Variants in HERC3 observed in about 807,000 individuals in gnomAD.
HERC3 encodes the protein HECT and RLD domain containing E3 ubiquitin protein ligase 3.
A neutral mutation model predicts 129.9 loss-of-function variants in HERC3; 58 were observed. That is an observed-to-expected ratio of 0.45 (90% CI 0.36 to 0.56). HERC3 has a LOEUF of 0.56. Among genes scored for constraint, HERC3 ranks in the 20% least tolerant of loss-of-function variants. The pLI is 0.00. For missense variants in HERC3, 835 were observed against 1,244.2 expected, an observed-to-expected ratio of 0.67 and a Z score of 4.95; for synonymous variants, 430 against 451.0, an observed-to-expected ratio of 0.95 and a Z score of 0.59.
the HERC3 span, among the ~76,000 whole-genome samples, chr4:88,574,933 A>C: frequency 3.9e-5 from 6 of 152,270 alleles, no homozygotes; most frequent in East Asian, 1.2e-3. Context: ...AATACCCAGG[A>C]GTAGAATGGC....
At chr4:88,655,830 A>G (rs1383848938) in intron 8 of HERC3, 45 bp from the exon 9 acceptor site, 6 of 1,570,004 alleles carry the variant, frequency 3.8e-6, no homozygotes, top group East Asian at 2.3e-5. Context: ...GTGTACATCC[A>G]CATTAGTAGA....
intron 3 of HERC3, among the ~76,000 whole-genome samples, chr4:88,607,135 G>A (rs1723743890): frequency 6.6e-6 from 1 of 151,872 alleles, no homozygotes; most frequent in African/African-American, 2.4e-5. Flanking sequence ...TAGGGGAGGG[G>A]AGATTGGTTC....
the HERC3 span, among the ~76,000 whole-genome samples, chr4:88,558,845 G>A: frequency 6.6e-6 from 1 of 151,718 alleles, no homozygotes; most frequent in Non-Finnish European, 1.5e-5. Flanking sequence ...GTGGGCGCCT[G>A]TAGTCCCAGC....
chr4:88,552,870 G>A, the HERC3 span, among the ~76,000 whole-genome samples: 5 of 152,044 alleles, frequency 3.3e-5, no homozygotes, highest in East Asian at 1.9e-4. Context: ...AGCCATATTC[G>A]GTATGTGGTG....
chr4:88,589,095 CGTGTGTGT>C (rs147850626), upstream of HERC3, among the ~76,000 whole-genome samples: 2 of 151,108 alleles, frequency 1.3e-5, no homozygotes, highest in African/African-American at 2.4e-5. Context: ...CGCGTGTGTG[CGTGTGTGT>C]GTGTGTATTT....
At chr4:88,648,023 A>G (rs1560715680) in intron 3 of HERC3, among the ~76,000 whole-genome samples, 1 of 152,190 alleles carries the variant, frequency 6.6e-6, no homozygotes, top group African/African-American at 2.4e-5. Context: ...TTTGACAATT[A>G]TTAACTATGG....
chr4:88,533,903 A>G, the HERC3 span, among the ~76,000 whole-genome samples: 1 of 152,218 alleles, frequency 6.6e-6, no homozygotes, highest in Non-Finnish European at 1.5e-5. Context: ...CTTGGTTTTA[A>G]AGTGCTATGT....
At position 88,633,764 on chromosome 4, in the gene HERC3, A is replaced by C. The variant is rs370238508; in HGVS notation, c.227-16076A>C. On this transcript the variant is annotated intron_variant, in intron 3 of 25. Coordinates refer to ENST00000402738, the MANE Select transcript of HERC3 (RefSeq NM_014606.3). ...AAAAAACCCCAGCAAATTACTGTGC[A>C]TAAGAAATTGACTTCAAAAATAATG... Among the ~76,000 whole-genome samples, 11 of 152,372 alleles carry C rather than the reference A, an allele frequency of 7.2e-5. No homozygotes were observed. In the East Asian group the frequency reaches 1.9e-3, roughly 27 times the overall value.
chr4:88,687,150 A>T, intron 22 of HERC3, 67 bp from the exon 23 acceptor site: 1 of 1,213,572 alleles, frequency 8.2e-7, no homozygotes, highest in Non-Finnish European at 1.2e-6. Flanking sequence ...TCTCTCAGTC[A>T]TTTGAGTTCT....
intron 3 of HERC3, among the ~76,000 whole-genome samples, chr4:88,624,223 T>G (rs780360271): frequency 6.6e-6 from 1 of 152,260 alleles, no homozygotes; most frequent in African/African-American, 2.4e-5. Flanking sequence ...AAAACTGTTA[T>G]GAACATTCAA....
the HERC3 span, among the ~76,000 whole-genome samples, chr4:88,587,070 A>G: frequency 6.6e-6 from 1 of 152,224 alleles, no homozygotes; most frequent in African/African-American, 2.4e-5. Context: ...AGTAAATACA[A>G]TGGCAGATTT....
At chr4:88,646,001 T>G (rs1728650487) in intron 3 of HERC3, among the ~76,000 whole-genome samples, 1 of 152,232 alleles carries the variant, frequency 6.6e-6, no homozygotes, top group South Asian at 2.1e-4. Flanking sequence ...TTTTACCAAT[T>G]TAAAATCTAT....
At chr4:88,706,256 C>T (rs968808300) in intron 25 of HERC3, among the ~76,000 whole-genome samples, 3 of 152,210 alleles carry the variant, frequency 2.0e-5, no homozygotes, top group Non-Finnish European at 2.9e-5. Context: ...CTCTGTCTGT[C>T]TCCCTCTCTC....
At chr4:88,546,727 C>T in the HERC3 span, among the ~76,000 whole-genome samples, 1 of 152,184 alleles carries the variant, frequency 6.6e-6, no homozygotes, top group Non-Finnish European at 1.5e-5. Flanking sequence ...AATCATATGG[C>T]TCAATTGTGC....
chr4:88,596,091 C>T lies in HERC3; in HGVS notation c.-30+477C>T, dbSNP rs368921053. 7.7e-4 allele frequency among the ~76,000 whole-genome samples: 117 copies of T among 152,064 alleles called. No individual in the cohort carries two copies. In the South Asian group the frequency reaches 0.021, roughly 27 times the overall value. On this transcript the variant is annotated intron_variant, in intron 2 of 25. Coordinates refer to ENST00000402738, the MANE Select transcript of HERC3 (RefSeq NM_014606.3). ...GTCTTGATCTCCTGACCTCGTGATC[C>T]GCCTGCCTCGGCCTTCCAAAGTGTT...
intron 14 of HERC3, among the ~76,000 whole-genome samples, chr4:88,669,173 A>G (rs964103751): frequency 6.6e-6 from 1 of 152,184 alleles, no homozygotes; most frequent in Admixed American, 6.6e-5. Context: ...CAAATTCAGC[A>G]GTTGTCAGTA....
chr4:88,528,243 T>G, the HERC3 span: 4 of 155,904 alleles, frequency 2.6e-5, no homozygotes, highest in African/African-American at 4.8e-5. Flanking sequence ...CACGAAGTTC[T>G]AAATGGTCAC....
chr4:88,621,722 G>A (rs868809210), intron 3 of HERC3, among the ~76,000 whole-genome samples: 12 of 152,190 alleles, frequency 7.9e-5, no homozygotes, highest in African/African-American at 2.2e-4. Context: ...AGGTTTGTCT[G>A]ATTTGTGAAA....
chr4:88,697,545 G>C, intron 23 of HERC3: 1 of 1,614,104 alleles, frequency 6.2e-7, no homozygotes, highest in Non-Finnish European at 8.5e-7. Context: ...GCAGGCTCTC[G>C]ATAAAGTCAT....
Sources: allele counts gnomAD v4.1 joint callset (sites outside exome capture counted in the v4.1 genomes callset), GRCh38; gene constraint gnomAD v4.1.1; transcripts MANE v1.5; gene names NCBI Gene and HGNC (gene_info 2026-07-23, HGNC 2026-07-21).